PCDHGA6: variants seen among roughly 807,000 people sequenced by gnomAD.
The protein encoded by PCDHGA6 is protocadherin gamma subfamily A, 6, also known as protocadherin gamma-A6.
A neutral mutation model predicts 60.6 loss-of-function variants in PCDHGA6; 41 were observed. The ratio of observed to expected loss-of-function variants is 0.68; its 90% CI spans 0.53 to 0.88. The LOEUF is 0.88. Ranked by LOEUF, PCDHGA6 falls within the 40% of genes least tolerant of loss-of-function variation. The pLI is 0.00. For synonymous variants in PCDHGA6, 594 were observed against 524.4 expected, an observed-to-expected ratio of 1.13 and a Z score of -1.81; for missense variants, 1,312 against 1,203.0, an observed-to-expected ratio of 1.09 and a Z score of -1.34.
chr5:141,491,199 C>T lies in PCDHGA6; in HGVS notation c.2425-3608C>T. ...TGGTCCTGGTGAGGGACAATGGTGA[C>T]CCTTCACTCTCCTCCACAGCCACAG... On this transcript the variant is annotated intron_variant, in intron 1 of 3. Coordinates refer to ENST00000517434, the MANE Select transcript of PCDHGA6 (RefSeq NM_018919.3). The surrounding 1 kb of genome is among the most constrained non-coding windows in gnomAD (Gnocchi z 6.9). 1 of 1,614,190 alleles carries T rather than the reference C, an allele frequency of 6.2e-7. No homozygotes were observed. Among genetic ancestry groups the T allele is most frequent in the South Asian group, 1.1e-5 (1 of 91,086 alleles).
Position 141,490,809 on chromosome 5 carries a change from C to T in PCDHGA6, c.2425-3998C>T. On this transcript the variant is annotated intron_variant, in intron 1 of 3. Transcript: ENST00000517434. The surrounding 1 kb of genome is among the most constrained non-coding windows in gnomAD (Gnocchi z 5.4). Reference sequence around the variant, plus strand: ...GGATCTTTGCCCAGCGTACCTTTGACTATGAATTGCTGCAGATGCTGCAGA... The same window carrying T: ...GGATCTTTGCCCAGCGTACCTTTGATTATGAATTGCTGCAGATGCTGCAGA... 2 of 1,613,954 alleles carry T rather than the reference C, an allele frequency of 1.2e-6. No individual in the cohort carries two copies. Among genetic ancestry groups the T allele is most frequent in the South Asian group, 2.2e-5 (2 of 91,076 alleles).
At chr5:141,418,726 G>C (rs1399333996) in intron 1 of PCDHGA6, 1 of 1,613,986 alleles carries the variant, frequency 6.2e-7, no homozygotes, top group Non-Finnish European at 8.5e-7. Flanking sequence ...ACAAAGCTCA[G>C]CACGTGTTCT....
intron 1 of PCDHGA6, chr5:141,421,025 A>G: frequency 5.7e-6 from 3 of 526,286 alleles, no homozygotes; most frequent in East Asian, 3.2e-5. Context: ...GCTGCGCGCC[A>G]TTGAGTCCCT....
intron 1 of PCDHGA6, chr5:141,384,384 C>G: frequency 6.2e-7 from 1 of 1,613,934 alleles, no homozygotes; most frequent in African/African-American, 1.3e-5. Flanking sequence ...CCGAAGACAC[C>G]ATCCAGGGGG....
intron 1 of PCDHGA6, chr5:141,404,176 A>G (rs763166170): frequency 7.4e-6 from 12 of 1,613,206 alleles, no homozygotes; most frequent in South Asian, 2.2e-5. Context: ...TGACGGCCCA[A>G]ATTCTTGACC....
At position 141,375,593 on chromosome 5, in the gene PCDHGA6, T is replaced by A. The variant is rs922478028; in HGVS notation, c.1510T>A (p.Tyr504Asn). 5 of 1,614,142 alleles carry A rather than the reference T, an allele frequency of 3.1e-6. No homozygotes were observed. The highest frequency in any genetic ancestry group is 4.2e-6 in the Non-Finnish European group (5 of 1,180,018). ...CCTCCAGGGGGCGCCCCTGTCCTCC[T>A]ACGTGTCCATCAACTCCGACACTGG... ...DTLQGAPLSS[Y>N]VSINSDTGIL... The change falls in exon 1 of 4, where the codon TAC (tyrosine) becomes AAC (asparagine). Residue 504 changes from tyrosine (Y) to asparagine (N), a missense_variant. Transcript: ENST00000517434.
chr5:141,487,818 G>T lies in PCDHGA6; in HGVS notation c.2425-6989G>T, dbSNP rs1009237001. The T allele has an allele frequency of 1.2e-5, 16 of 1,331,602 alleles. No homozygotes were observed. Among genetic ancestry groups the T allele is most frequent in the Non-Finnish European group, 1.4e-5 (14 of 970,528 alleles). The allele number at this position is 1,331,602 out of a possible 1,614,324, so 82.5% of individuals were successfully genotyped here. On this transcript the variant is annotated intron_variant, in intron 1 of 3. Transcript: ENST00000517434. This position sits in a 1 kb window ranked among gnomAD's most constrained non-coding sequence, Gnocchi z 5.0. Reference sequence around the variant, plus strand: ...GAGTTGTCACAGTTTAGCATTGGGGGCGGGTCATGCCTATATCTGAGTAAG... The same window carrying T: ...GAGTTGTCACAGTTTAGCATTGGGGTCGGGTCATGCCTATATCTGAGTAAG...
At chr5:141,478,454 A>G (rs766350066) in intron 1 of PCDHGA6, 4 of 1,613,596 alleles carry the variant, frequency 2.5e-6, no homozygotes, top group Non-Finnish European at 3.4e-6. Context: ...TGGTGCAGCC[A>G]GTCCACTGGC....
rs1328476453 is a variant in PCDHGA6, at chr5:141,431,444, C to T, written c.2424+54937C>T. 4.3e-6 allele frequency: 7 copies of T among 1,613,732 alleles called. No homozygotes were observed. The highest frequency in any genetic ancestry group is 5.9e-6 in the Non-Finnish European group (7 of 1,180,022). On this transcript the variant is annotated intron_variant, in intron 1 of 3. Transcript: ENST00000517434. The surrounding 1 kb of genome is among the most constrained non-coding windows in gnomAD (Gnocchi z 4.8). ...GGTGCGCACAGGCACCGCGCGCATCCGCGTGATGGTTCTGGATGCGAACGA... is the reference window on the plus strand; with the variant it reads ...GGTGCGCACAGGCACCGCGCGCATCTGCGTGATGGTTCTGGATGCGAACGA...
chr5:141,404,165 T>C, intron 1 of PCDHGA6: 1 of 1,613,246 alleles, frequency 6.2e-7, no homozygotes, highest in South Asian at 1.1e-5. Flanking sequence ...TTACAGATTG[T>C]TGACGGCCCA....
chr5:141,381,898 C>T (rs1777736173), intron 1 of PCDHGA6, among the ~76,000 whole-genome samples: 2 of 123,608 alleles, frequency 1.6e-5, no homozygotes, highest in African/African-American at 6.3e-5. Context: ...GGTGTGATCT[C>T]GGCTCACCAC....
At chr5:141,382,787 T>A in intron 1 of PCDHGA6, 1 of 906,454 alleles carries the variant, frequency 1.1e-6, no homozygotes, top group Non-Finnish European at 1.7e-6. Context: ...CTCAAGCCTC[T>A]ATCCTGCTGG....
chr5:141,497,877 G>C (rs1057284578), intron 2 of PCDHGA6, among the ~76,000 whole-genome samples: 6 of 152,148 alleles, frequency 3.9e-5, no homozygotes, highest in Admixed American at 2.6e-4. Context: ...AGTGAAATAA[G>C]CGTTAGGATC....
chr5:141,422,800 C>T, intron 1 of PCDHGA6: 1 of 1,614,214 alleles, frequency 6.2e-7, no homozygotes, highest in Non-Finnish European at 8.5e-7. Context: ...CGACTATGAG[C>T]AGTTTCGAGA....
chr5:141,475,921 A>T, intron 1 of PCDHGA6: 1 of 604,938 alleles, frequency 1.7e-6, no homozygotes, highest in Non-Finnish European at 2.8e-6. Flanking sequence ...AAGACGCTGG[A>T]GATCGGGCCC....
chr5:141,471,046 C>CTTTT (rs1170588345), intron 1 of PCDHGA6, among the ~76,000 whole-genome samples: 3 of 113,278 alleles, frequency 2.6e-5, no homozygotes, highest in African/African-American at 7.1e-5. Flanking sequence ...CCCAAGCCCT[C>CTTTT]TTTTTTTTTT....
intron 1 of PCDHGA6, chr5:141,478,545 A>T: frequency 6.2e-7 from 1 of 1,605,606 alleles, no homozygotes; most frequent in Admixed American, 1.7e-5. Context: ...CCTCCCGGAC[A>T]GGTAAGGTTT....
At chr5:141,464,746 T>G (rs1317670068) in intron 1 of PCDHGA6, among the ~76,000 whole-genome samples, 1 of 152,220 alleles carries the variant, frequency 6.6e-6, no homozygotes, top group Non-Finnish European at 1.5e-5. Context: ...TATATCTTTT[T>G]GTTTTTTTAG....
At chr5:141,395,478 T>G in intron 1 of PCDHGA6, 1 of 546,140 alleles carries the variant, frequency 1.8e-6, no homozygotes, top group Non-Finnish European at 3.1e-6. Context: ...CAGTATTTTA[T>G]TCCTATTATC....
Sources: allele counts gnomAD v4.1 joint callset (sites outside exome capture counted in the v4.1 genomes callset), GRCh38; gene constraint gnomAD v4.1.1; non-coding constraint Gnocchi (gnomAD v3.1); transcripts MANE v1.5; gene names NCBI Gene and HGNC (gene_info 2026-07-23, HGNC 2026-07-21).